The following MS4A3 variants were observed in gnomAD, a reference collection of about 807,000 sequenced individuals.
The protein encoded by MS4A3 is membrane spanning 4-domains A3.
In MS4A3, 18 loss-of-function variants were observed where a neutral mutation model predicts 24.7. The observed-to-expected ratio is 0.73, with a 90% CI of 0.50 to 1.08. MS4A3 has a LOEUF of 1.08. Among genes scored for constraint, MS4A3 ranks in the 50% least tolerant of loss-of-function variants. The probability of loss-of-function intolerance (pLI) is 0.00; values close to 1 mark genes in which losing one functional copy is unlikely to be tolerated. For missense variants in MS4A3, 282 were observed against 251.7 expected, an observed-to-expected ratio of 1.12 and a Z score of -0.82; for synonymous variants, 84 against 95.3, an observed-to-expected ratio of 0.88 and a Z score of 0.69.
intron 5 of MS4A3, among the ~76,000 whole-genome samples, chr11:60,067,827 C>CA (rs1304056373): frequency 6.6e-6 from 1 of 151,372 alleles, no homozygotes; most frequent in African/African-American, 2.4e-5. Context: ...GCAGGCGGAT[C>CA]ACGAGGTCGA....
At position 60,065,127 on chromosome 11, in the gene MS4A3, C is replaced by T. The variant is rs181923835; in HGVS notation, c.351+809C>T. The stretch of plus-strand genomic sequence containing the variant: ...GGTCACAGCTCACTACAGCCTCCAC[C>T]TTCCAGGGCTCATGCAATCCTCCCA... On this transcript the variant is annotated intron_variant, in intron 4 of 6. Coordinates refer to ENST00000278865, the MANE Select transcript of MS4A3 (RefSeq NM_006138.5). 2.0e-5 allele frequency among the ~76,000 whole-genome samples: 3 copies of T among 152,138 alleles called. No homozygotes were observed. In the East Asian group the frequency reaches 5.8e-4, roughly 29 times the overall value.
chr11:60,068,451 A>G (rs1285537962), intron 5 of MS4A3, among the ~76,000 whole-genome samples: 1 of 138,666 alleles, frequency 7.2e-6, no homozygotes, highest in African/African-American at 2.7e-5. Context: ...ACGGGGTTTC[A>G]CTGTGTTAGC....
chr11:60,060,448 T>C (rs1436580646), intron 1 of MS4A3, among the ~76,000 whole-genome samples: 1 of 152,156 alleles, frequency 6.6e-6, no homozygotes, highest in African/African-American at 2.4e-5. Context: ...GGATTTGAAT[T>C]TGGATCTTCC....
intron 1 of MS4A3, among the ~76,000 whole-genome samples, chr11:60,058,506 CAAAAAAAAAAAAAAAAA>C (rs58722616): frequency 1.1e-3 from 20 of 17,888 alleles, no homozygotes; most frequent in South Asian, 0.011. Context: ...AGCTCCAACT[CAAAAAAAAAAAAAAAAA>C]AAAAAAAAAA....
At position 60,064,280 on chromosome 11, in the gene MS4A3, T is replaced by C. The variant is rs1354372814; in HGVS notation, c.313T>C (p.Leu105=). 8 of 1,604,912 alleles carry C rather than the reference T, an allele frequency of 5.0e-6. No individual in the cohort carries two copies. The highest frequency in any genetic ancestry group is 6.8e-6 in the Non-Finnish European group (8 of 1,175,798). ...CAAACAGTTCTGTAGTTCAGGAACC[T>C]TGTCTGTTGTAGCAGGGATAAAACC... ...GAVFFCSSGT[L]SVVAGIKPTR... Residue 105 remains leucine, a synonymous_variant, in exon 4 of 7, where the codon TTG becomes CTG. Coordinates refer to ENST00000278865, the MANE Select transcript of MS4A3 (RefSeq NM_006138.5).
At chr11:60,058,229 C>T (rs1158808593) in intron 1 of MS4A3, among the ~76,000 whole-genome samples, 2 of 151,672 alleles carry the variant, frequency 1.3e-5, no homozygotes, top group South Asian at 2.1e-4. Context: ...CTGGAAGGGC[C>T]GGGCGCATTG....
At chr11:60,059,373 T>C (rs930911077) in intron 1 of MS4A3, among the ~76,000 whole-genome samples, 1 of 152,144 alleles carries the variant, frequency 6.6e-6, no homozygotes, top group African/African-American at 2.4e-5. Flanking sequence ...GAGTAGAAAT[T>C]AAGATACTAT....
At position 60,061,213 on chromosome 11, in the gene MS4A3, G is replaced by T; in HGVS notation, c.53G>T (p.Gly18Val). Residue 18 changes from glycine (G) to valine (V), a missense_variant, in exon 2 of 7, where the codon GGT becomes GTT. Gly to Val is a moderately radical substitution (Grantham distance 109). Coordinates refer to ENST00000278865, the MANE Select transcript of MS4A3 (RefSeq NM_006138.5). Reference protein sequence around the residue: ...NAELGSASAHGTPGSEAGPEE... With the variant: ...NAELGSASAHVTPGSEAGPEE... ...GAGCTGGGGTCAGCCTCTGCCCATGGTACCCCAGGCAGTGAGGCGGGACCA... is the reference window on the plus strand; with the variant it reads ...GAGCTGGGGTCAGCCTCTGCCCATGTTACCCCAGGCAGTGAGGCGGGACCA... 1.2e-6 allele frequency: 2 copies of T among 1,613,214 alleles called. No homozygotes were observed. The highest frequency in any genetic ancestry group is 8.5e-7 in the Non-Finnish European group (1 of 1,179,640).
chr11:60,061,585 C>T, intron 2 of MS4A3: 3 of 467,970 alleles, frequency 6.4e-6, no homozygotes, highest in Non-Finnish European at 1.2e-5. Context: ...TTATGATTTC[C>T]TTAACGTTTT....
chr11:60,059,872 T>C (rs1855244875), intron 1 of MS4A3, among the ~76,000 whole-genome samples: 1 of 152,190 alleles, frequency 6.6e-6, no homozygotes, highest in East Asian at 1.9e-4. Flanking sequence ...GGTAGAATGA[T>C]TTATATTAAG....
intron 4 of MS4A3, among the ~76,000 whole-genome samples, chr11:60,064,770 A>G (rs1196693573): frequency 6.6e-6 from 1 of 152,012 alleles, no homozygotes; most frequent in Non-Finnish European, 1.5e-5. Context: ...CTATTTTACC[A>G]TTTTATTGTA....
intron 3 of MS4A3, among the ~76,000 whole-genome samples, chr11:60,063,929 G>T (rs1047844814): frequency 6.6e-6 from 1 of 152,060 alleles, no homozygotes; most frequent in Non-Finnish European, 1.5e-5. Context: ...TACTGTTTGG[G>T]TGATGGGTGC....
rs773288067 is a variant in MS4A3, at chr11:60,061,156, C to G, written c.-5C>G. 6.3e-7 allele frequency: 1 copy of G among 1,574,912 alleles called. No homozygotes were observed. The highest frequency in any genetic ancestry group is 2.3e-5 in the East Asian group (1 of 44,268). On this transcript the variant is annotated 5_prime_UTR_variant, in exon 2 of 7. Transcript: ENST00000278865. The stretch of plus-strand genomic sequence containing the variant: ...TCTTTTCTATCACAGCCATAAACAA[C>G]CCCAATGGCCTCCCACGAAGTTGAT...
chr11:60,065,933 T>G (rs979418510), intron 4 of MS4A3, among the ~76,000 whole-genome samples: 1 of 152,214 alleles, frequency 6.6e-6, no homozygotes, highest in Non-Finnish European at 1.5e-5. Flanking sequence ...AATATCTGTA[T>G]GCCCACAACC....
intron 1 of MS4A3, among the ~76,000 whole-genome samples, chr11:60,060,033 G>A (rs1855246807): frequency 6.6e-6 from 1 of 152,154 alleles, no homozygotes; most frequent in South Asian, 2.1e-4. Context: ...CTATGAATTA[G>A]GAAGTTATCT....
rs757812244 is a variant in MS4A3 at position 60,061,306 on chromosome 11, A to C, written c.146A>C (p.Gln49Pro). The C allele has an allele frequency of 1.2e-6, 2 of 1,608,028 alleles. No homozygotes were observed. Among genetic ancestry groups the C allele is most frequent in the South Asian group, 1.1e-5 (1 of 89,710 alleles). The change falls in exon 2 of 7, where the codon CAA becomes CCA. Residue 49 changes from glutamine to proline, a missense_variant. Physicochemically the swap from Gln to Pro is moderately conservative, Grantham distance 76. Transcript: ENST00000278865. ...CCAGATTATCAGAAAGCAAAATTACAAGTTCTTGGGGTAAGTCAGCCTTAG... is the reference window on the plus strand; with the variant it reads ...CCAGATTATCAGAAAGCAAAATTACCAGTTCTTGGGGTAAGTCAGCCTTAG... ...GSPDYQKAKL[Q>P]VLGAIQILNA...
At chr11:60,058,822 T>C (rs963945242) in intron 1 of MS4A3, among the ~76,000 whole-genome samples, 2 of 152,164 alleles carry the variant, frequency 1.3e-5, no homozygotes, top group African/African-American at 4.8e-5. Context: ...TACACACAAA[T>C]TTCCCAGTGG....
chr11:60,060,252 G>A (rs143578692), intron 1 of MS4A3, among the ~76,000 whole-genome samples: 51 of 152,136 alleles, frequency 3.4e-4, no homozygotes, highest in South Asian at 6.2e-4. Context: ...GTCAACTCTC[G>A]CAATGTTAAT....
At chr11:60,064,204 A>G in intron 3 of MS4A3, 58 bp from the exon 4 acceptor site, 1 of 1,371,202 alleles carries the variant, frequency 7.3e-7, no homozygotes, top group Middle Eastern at 1.8e-4. Context: ...GAGGACCAAG[A>G]AGAAAATGGT....
Sources: allele counts gnomAD v4.1 joint callset (sites outside exome capture counted in the v4.1 genomes callset), GRCh38; gene constraint gnomAD v4.1.1; transcripts MANE v1.5; gene names NCBI Gene and HGNC (gene_info 2026-07-23, HGNC 2026-07-21).